Variants in PCDHA2 observed in about 807,000 individuals in gnomAD.
PCDHA2 encodes protocadherin alpha 2.
A neutral mutation model predicts 66.0 loss-of-function variants in PCDHA2; 58 were observed. The ratio of observed to expected loss-of-function variants is 0.88; its 90% confidence interval spans 0.71 to 1.09. The LOEUF is 1.09. PCDHA2 is among the 50% of genes least tolerant of loss of function. The probability of loss-of-function intolerance (pLI) is 0.00; values close to 1 mark genes in which losing one functional copy is unlikely to be tolerated. For missense variants in PCDHA2, 1,267 were observed against 1,242.3 expected, an observed-to-expected ratio of 1.02 and a Z score of -0.30; for synonymous variants, 634 against 554.0, an observed-to-expected ratio of 1.14 and a Z score of -2.03.
At chr5:140,890,237 A>G (rs1554184228) in intron 1 of PCDHA2, among the ~76,000 whole-genome samples, 1 of 152,154 alleles carries the variant, frequency 6.6e-6, no homozygotes, top group East Asian at 1.9e-4. Flanking sequence ...TTAAGCATTT[A>G]CCAGTACACT....
chr5:140,802,316 C>T (rs782601468), intron 1 of PCDHA2: 2 of 1,614,264 alleles, frequency 1.2e-6, no homozygotes, highest in Non-Finnish European at 1.7e-6. Flanking sequence ...CTCTGATCAG[C>T]GTGTCCGACC....
At position 140,835,833 on chromosome 5, in the gene PCDHA2, G is replaced by A. The variant is rs2150246145; in HGVS notation, c.2388+38481G>A. 4.3e-6 allele frequency: 7 copies of A among 1,612,446 alleles called. No homozygotes were observed. In the Admixed American group the frequency reaches 1.2e-4, roughly 27 times the overall value. On this transcript the variant is annotated intron_variant, in intron 1 of 3. Coordinates refer to ENST00000526136, the MANE Select transcript of PCDHA2 (RefSeq NM_018905.3). ...CACTGTGTCGGCGGGGGACGCGGAC[G>A]CGCAGAAGAACGCGCTGGTGTCCTA...
rs2086150778 is a variant in PCDHA2, at chr5:140,929,428, G to C, written c.2389-49521G>C. ...AGCCTTTCACAACATTTCATCAATT[G>C]AACTAAACACTCCTTCTTAGCACTT... On this transcript the variant is annotated intron_variant, in intron 1 of 3. Coordinates refer to ENST00000526136, the MANE Select transcript of PCDHA2 (RefSeq NM_018905.3). 4 of 1,491,484 alleles carry C rather than the reference G, an allele frequency of 2.7e-6. No homozygotes were observed. The East Asian group carries it at 6.9e-5, about 26-fold the overall frequency. 92.4% of individuals were successfully genotyped at this position (1,491,484 alleles called of 1,614,324 possible). A position where few individuals can be genotyped will look rare whatever the true frequency, so the allele number is the denominator to read the frequency against.
At chr5:140,915,803 A>G (rs2077309798) in intron 1 of PCDHA2, among the ~76,000 whole-genome samples, 1 of 152,026 alleles carries the variant, frequency 6.6e-6, no homozygotes, top group Admixed American at 6.6e-5. Flanking sequence ...ACTACCACCT[A>G]TGTTCACTCA....
At chr5:140,933,392 T>C (rs1298872630) in intron 1 of PCDHA2, among the ~76,000 whole-genome samples, 3 of 152,044 alleles carry the variant, frequency 2.0e-5, no homozygotes, top group Non-Finnish European at 2.9e-5. Context: ...CCTAGAGCCA[T>C]CTGGTTACCA....
intron 1 of PCDHA2, among the ~76,000 whole-genome samples, chr5:140,902,680 C>T (rs943072063): frequency 3.9e-5 from 6 of 152,094 alleles, no homozygotes; most frequent in Admixed American, 6.5e-5. Context: ...GTACACCGTA[C>T]CTAATATGTG....
intron 1 of PCDHA2, chr5:140,824,250 T>C: frequency 1.4e-6 from 2 of 1,404,898 alleles, no homozygotes; most frequent in South Asian, 2.5e-5. Context: ...TGGTACACAA[T>C]TATTGCACTA....
Position 140,829,683 on chromosome 5 carries a change from T to C in PCDHA2, c.2388+32331T>C, listed in dbSNP as rs1554132167. Reference sequence around the variant, plus strand: ...CTGGACCACGAGGAGCTAGAGCTGCTGCAGTTTCAGGTGAGCGCGCGCGAC... The same window carrying C: ...CTGGACCACGAGGAGCTAGAGCTGCCGCAGTTTCAGGTGAGCGCGCGCGAC... On this transcript the variant is annotated intron_variant, in intron 1 of 3. Transcript: ENST00000526136. 6 of 1,613,236 alleles carry C rather than the reference T, an allele frequency of 3.7e-6. No individual in the cohort carries two copies. The East Asian group carries it at 1.3e-4, about 36-fold the overall frequency.
intron 1 of PCDHA2, among the ~76,000 whole-genome samples, chr5:140,948,015 C>CCTTTT (rs71276332): frequency 0.56 from 84,575 of 150,344 alleles, 24,313 homozygotes; most frequent in African/African-American, 0.69. Context: ...TAGGAAGTAC[C>CCTTTT]CTTTCTGGTT....
intron 2 of PCDHA2, among the ~76,000 whole-genome samples, chr5:140,979,323 T>C (rs2096844622): frequency 6.6e-6 from 1 of 152,180 alleles, no homozygotes; most frequent in Non-Finnish European, 1.5e-5. Context: ...TATGCTTTCT[T>C]TTCCTCCTTT....
chr5:140,983,059 C>G (rs1325414567), intron 3 of PCDHA2, among the ~76,000 whole-genome samples: 1 of 151,980 alleles, frequency 6.6e-6, no homozygotes, highest in African/African-American at 2.4e-5. Flanking sequence ...TTATCGGAAC[C>G]AAGGCATTGT....
chr5:140,900,912 A>AGAT (rs553485999), intron 1 of PCDHA2, among the ~76,000 whole-genome samples: 1 of 152,198 alleles, frequency 6.6e-6, no homozygotes, highest in Non-Finnish European at 1.5e-5. Context: ...AACTGTGGTA[A>AGAT]GATGATATCT....
At chr5:140,998,008 T>C (rs1447849810) in intron 3 of PCDHA2, among the ~76,000 whole-genome samples, 6 of 152,128 alleles carry the variant, frequency 3.9e-5, no homozygotes, top group East Asian at 1.9e-4. Flanking sequence ...GAGCCTTCCA[T>C]CCCCACCTCG....
At position 140,887,996 on chromosome 5, in the gene PCDHA2, AAT is replaced by A. The variant is rs1258672316; in HGVS notation, c.2388+90646_2388+90647del. 4.6e-5 allele frequency among the ~76,000 whole-genome samples: 7 copies of A among 152,330 alleles called. No individual in the cohort carries two copies. In the East Asian group the frequency reaches 7.7e-4, roughly 17 times the overall value. ...AAATTTATTTTACATGTCTCCACCGAATAGTCATCTTTTTATCTATATGTTTG... is the reference window on the plus strand; with the variant it reads ...AAATTTATTTTACATGTCTCCACCGAAGTCATCTTTTTATCTATATGTTTG... On this transcript the variant is annotated intron_variant, in intron 1 of 3. Coordinates refer to ENST00000526136, the MANE Select transcript of PCDHA2 (RefSeq NM_018905.3).
chr5:140,804,707 T>C (rs1489432225), intron 1 of PCDHA2: 2 of 170,256 alleles, frequency 1.2e-5, no homozygotes, highest in African/African-American at 4.7e-5. Context: ...AAATTGAAGG[T>C]AGACTTTTTT....
chr5:140,906,824 G>A (rs2072970432), intron 1 of PCDHA2, among the ~76,000 whole-genome samples: 1 of 152,216 alleles, frequency 6.6e-6, no homozygotes, highest in African/African-American at 2.4e-5. Flanking sequence ...CTGTGGAGTA[G>A]TAGACTGATT....
At chr5:140,802,325 C>T in intron 1 of PCDHA2, 1 of 1,614,252 alleles carries the variant, frequency 6.2e-7, no homozygotes, top group Non-Finnish European at 8.5e-7. Context: ...GCGTGTCCGA[C>T]CGCGACTCAG....
chr5:140,964,952 T>C (rs868971882), intron 1 of PCDHA2, among the ~76,000 whole-genome samples: 1 of 152,190 alleles, frequency 6.6e-6, no homozygotes, highest in South Asian at 2.1e-4. Flanking sequence ...TGAGTGTGCT[T>C]GGTTGGTGGA....
At chr5:140,976,208 A>G (rs2096706017) in intron 1 of PCDHA2, among the ~76,000 whole-genome samples, 1 of 152,202 alleles carries the variant, frequency 6.6e-6, no homozygotes, top group Non-Finnish European at 1.5e-5. Context: ...TCAGAAGTAA[A>G]AAAGAGAAAG....
Sources: allele counts gnomAD v4.1 joint callset (sites outside exome capture counted in the v4.1 genomes callset), GRCh38; gene constraint gnomAD v4.1.1; transcripts MANE v1.5; gene names NCBI Gene and HGNC (gene_info 2026-07-23, HGNC 2026-07-21).